Variants in AR observed in about 807,000 individuals in gnomAD.
AR encodes the protein dihydrotestosterone receptor.
Under a neutral mutation model 53.9 loss-of-function variants are expected in AR, and 8 were observed. That is an observed-to-expected ratio of 0.15 (90% CI 0.09 to 0.27). The LOEUF is 0.27. Ranked by LOEUF, AR falls within the 10% of genes least tolerant of loss-of-function variation. The probability of loss-of-function intolerance (pLI) is 1.00; values close to 1 mark genes in which losing one functional copy is unlikely to be tolerated. For synonymous variants in AR, 359 were observed against 316.4 expected (o/e 1.13, Z -1.43); for missense variants, 639 against 742.5 (o/e 0.86, Z 1.62).
At chrX:67,649,671 C>A (rs1335985651) in intron 2 of AR, among the ~76,000 whole-genome samples, 1 of 112,148 alleles carries the variant, frequency 8.9e-6, no homozygotes, top group Non-Finnish European at 1.9e-5. Context: ...GCATAAATGT[C>A]TTCTTTTGAG....
At chrX:67,700,602 G>A (rs1459071488) in intron 3 of AR, among the ~76,000 whole-genome samples, 1 of 111,927 alleles carries the variant, frequency 8.9e-6, no homozygotes, top group Admixed American at 9.5e-5. Context: ...ACAGGGACAA[G>A]CACACTACCT....
At chrX:67,646,310 C>T (rs1385307652) in intron 2 of AR, among the ~76,000 whole-genome samples, 1 of 110,712 alleles carries the variant, frequency 9.0e-6, no homozygotes, top group Non-Finnish European at 1.9e-5. Context: ...TTCTCCTTGT[C>T]AGTAATGTTG....
In AR at chrX:67,545,448, G is replaced by A. The variant is rs777689173; in HGVS notation, c.302G>A (p.Arg101His). 19 of 1,198,176 alleles carry A rather than the reference G, an allele frequency of 1.6e-5. No individual in the cohort carries two copies. In the East Asian group the frequency reaches 5.1e-4, roughly 32 times the overall value. The change falls in exon 1 of 8, where the codon CGT becomes CAT. Residue 101 changes from arginine (R) to histidine (H), a missense_variant. Physicochemically the swap from Arg to His is conservative, Grantham distance 29 (BLOSUM62 0). This residue lies in a region of AR where 55 missense variants were observed against 84.8 expected (regional missense o/e 0.65). Coordinates refer to ENST00000374690, the MANE Select transcript of AR (RefSeq NM_000044.6). ...GAGGATGGTTCTCCCCAAGCCCATC[G>A]TAGAGGCCCCACAGGCTACCTGGTC... The part of the protein sequence containing the change: ...QGEDGSPQAH[R>H]RGPTGYLVLD...
At chrX:67,698,348 C>T (rs925215096) in intron 3 of AR, among the ~76,000 whole-genome samples, 1 of 112,358 alleles carries the variant, frequency 8.9e-6, no homozygotes, top group Non-Finnish European at 1.9e-5. Context: ...ACTGGCTTCC[C>T]CAGAGCCAGA....
intron 1 of AR, among the ~76,000 whole-genome samples, 199 bp from the exon 2 acceptor site, chrX:67,643,057 A>G (rs1227683573): frequency 8.9e-6 from 1 of 111,776 alleles, no homozygotes; most frequent in African/African-American, 3.3e-5. Context: ...TCCCTTGGCA[A>G]GATCCAAAAA....
At chrX:67,615,477 C>T (rs1425976766) in intron 1 of AR, among the ~76,000 whole-genome samples, 1 of 110,635 alleles carries the variant, frequency 9.0e-6, no homozygotes, top group Non-Finnish European at 1.9e-5. Flanking sequence ...TTCAACAAAA[C>T]TATCTTTAAA....
At chrX:67,650,314 C>T (rs1926274754) in intron 2 of AR, among the ~76,000 whole-genome samples, 1 of 112,123 alleles carries the variant, frequency 8.9e-6, no homozygotes, top group East Asian at 2.8e-4. Flanking sequence ...AACTATACTA[C>T]AAGGCTACAG....
chrX:67,688,437 A>G (rs1396192337), intron 3 of AR, among the ~76,000 whole-genome samples: 1 of 111,852 alleles, frequency 8.9e-6, no homozygotes. Flanking sequence ...GCAAAATGCT[A>G]GACAAATATG....
chrX:67,621,324 G>T (rs910505678), intron 1 of AR, among the ~76,000 whole-genome samples: 2 of 111,250 alleles, frequency 1.8e-5, no homozygotes, highest in East Asian at 5.7e-4. Flanking sequence ...AAAATTAGAT[G>T]CCCAGATTTT....
intron 2 of AR, among the ~76,000 whole-genome samples, chrX:67,663,010 A>T (rs1470782635): frequency 9.0e-6 from 1 of 111,188 alleles, no homozygotes. Flanking sequence ...TTTTGAGCCT[A>T]TGTGTGTCTC....
intron 5 of AR, among the ~76,000 whole-genome samples, chrX:67,721,603 G>T (rs984182971): frequency 9.0e-6 from 1 of 111,552 alleles, no homozygotes; most frequent in African/African-American, 3.3e-5. Context: ...CCTGGCCAGA[G>T]AAGATGAGTA....
chrX:67,672,609 AC>A (rs1417960294), intron 2 of AR, among the ~76,000 whole-genome samples: 1 of 111,441 alleles, frequency 9.0e-6, no homozygotes, highest in Non-Finnish European at 1.9e-5. Context: ...GCATAAAAAA[AC>A]ATGGAAAGAG....
At chrX:67,705,349 AG>A (rs2076061654) in intron 3 of AR, among the ~76,000 whole-genome samples, 3 of 111,339 alleles carry the variant, frequency 2.7e-5, no homozygotes, top group African/African-American at 9.8e-5. Flanking sequence ...TTCTCCTTGA[AG>A]AGGTCCTTCA....
intron 4 of AR, among the ~76,000 whole-genome samples, chrX:67,716,440 T>C (rs1342870942): frequency 8.9e-6 from 1 of 111,801 alleles, no homozygotes; most frequent in Non-Finnish European, 1.9e-5. Context: ...GAAGGAGGAA[T>C]GCATTCTAGG....
intron 4 of AR, 64 bp downstream of exon 4, chrX:67,711,753 A>C: frequency 9.3e-7 from 1 of 1,080,951 alleles, no homozygotes. Flanking sequence ...GCTCCTATGG[A>C]CCAGCCACCA....
In AR at chrX:67,587,832, T is replaced by A. The variant is rs187266851; in HGVS notation, c.1616+41070T>A. ...GATTTTTGTGAGAATGAAAATGAGA[T>A]CCCACACCAGGAATTTAGAAGCTAC... On this transcript the variant is annotated intron_variant, in intron 1 of 7. Transcript: ENST00000374690. 7.2e-5 allele frequency among the ~76,000 whole-genome samples: 8 copies of A among 110,542 alleles called. No homozygotes were observed. The Admixed American group carries it at 7.7e-4, about 11-fold the overall frequency.
chrX:67,555,541 G>T (rs1454337403), intron 1 of AR, among the ~76,000 whole-genome samples: 1 of 112,050 alleles, frequency 8.9e-6, no homozygotes, highest in Non-Finnish European at 1.9e-5. Context: ...AAAATTGAAG[G>T]TGATTAATGG....
intron 1 of AR, among the ~76,000 whole-genome samples, chrX:67,620,734 A>T (rs896064218): frequency 9.0e-6 from 1 of 111,319 alleles, no homozygotes; most frequent in African/African-American, 3.3e-5. Flanking sequence ...TCTGAGTCTC[A>T]TTTGCCTCAA....
intron 1 of AR, among the ~76,000 whole-genome samples, chrX:67,638,190 T>C (rs1165338301): frequency 8.9e-6 from 1 of 111,969 alleles, no homozygotes; most frequent in Admixed American, 9.5e-5. Flanking sequence ...TTCCATGGTG[T>C]ATATGTGCCA....
Sources: gnomAD v4.1 joint callset for allele counts (sites outside exome capture counted in the v4.1 genomes callset) on GRCh38, gnomAD v4.1.1 for gene constraint, gnomAD v4.1.1 regional missense constraint, MANE v1.5 for transcripts, NCBI Gene and HGNC (gene_info 2026-07-23, HGNC 2026-07-21) for gene names.